The following MACROD2 variants were observed in gnomAD, a reference collection of about 807,000 sequenced individuals.
MACROD2 encodes mono-ADP ribosylhydrolase 2.
MACROD2 carries 36 observed loss-of-function variants against 70.4 expected under a neutral mutation model. That is an observed-to-expected ratio of 0.51 (90% CI 0.39 to 0.68). The LOEUF (loss-of-function observed/expected upper bound fraction) is 0.68, where lower values mean the gene tolerates loss of function less well. Among genes scored for constraint, MACROD2 ranks in the 30% least tolerant of loss-of-function variants. MACROD2 has a pLI of 0.00. For synonymous variants in MACROD2, 172 were observed against 178.8 expected (o/e 0.96, Z 0.30); for missense variants, 496 against 538.4 (o/e 0.92, Z 0.78).
intron 5 of MACROD2, among the ~76,000 whole-genome samples, chr20:14,798,987 A>T (rs898733309): frequency 7.9e-5 from 12 of 151,986 alleles, no homozygotes; most frequent in Non-Finnish European, 1.8e-4. Flanking sequence ...TAACAGTTGT[A>T]TACAGTGAAT....
At chr20:14,625,703 T>A (rs1323379390) in intron 4 of MACROD2, among the ~76,000 whole-genome samples, 2 of 152,210 alleles carry the variant, frequency 1.3e-5, no homozygotes, top group African/African-American at 2.4e-5. Flanking sequence ...CATCTCTTTG[T>A]GAGAGGAGCC....
chr20:14,174,970 T>A (rs190904014), intron 3 of MACROD2, among the ~76,000 whole-genome samples: 16 of 152,320 alleles, frequency 1.1e-4, no homozygotes, highest in Non-Finnish European at 2.2e-4. Flanking sequence ...AGTGAGAGTG[T>A]GTGTTCCAGG....
chr20:15,689,724 G>A (rs2050275174), intron 8 of MACROD2, among the ~76,000 whole-genome samples: 1 of 152,136 alleles, frequency 6.6e-6, no homozygotes, highest in African/African-American at 2.4e-5. Flanking sequence ...CAGACCCCAA[G>A]GGTCTCAGGT....
chr20:15,534,117 A>G (rs547214696), intron 8 of MACROD2, among the ~76,000 whole-genome samples: 1 of 152,298 alleles, frequency 6.6e-6, no homozygotes, highest in East Asian at 1.9e-4. Flanking sequence ...GAAAATCTAT[A>G]TGTGTGATGC....
chr20:15,599,638 G>A (rs465757), intron 8 of MACROD2, among the ~76,000 whole-genome samples: 91,176 of 152,012 alleles, frequency 0.6, 28,295 homozygotes, highest in Non-Finnish European at 0.68. Flanking sequence ...AGGGGAATTA[G>A]CATGCAACAC....
Position 15,948,637 on chromosome 20 carries a change from C to T in MACROD2, c.907+11093C>T, listed in dbSNP as rs75256531. Among the ~76,000 whole-genome samples, 943 of 152,190 alleles carry T rather than the reference C, an allele frequency of 6.2e-3. 7 individuals carry two copies. Among genetic ancestry groups the T allele is most frequent in the African/African-American group, 0.021 (864 of 41,560 alleles). Reference sequence around the variant, plus strand: ...TTGTTCACTTTCAGACTTTGATATTCTTCCCCTCTAAGAGAATAAAATAAA... The same window carrying T: ...TTGTTCACTTTCAGACTTTGATATTTTTCCCCTCTAAGAGAATAAAATAAA... On this transcript the variant is annotated intron_variant, in intron 12 of 17. Coordinates refer to ENST00000684519, the MANE Select transcript of MACROD2 (RefSeq NM_001351661.2).
At chr20:14,634,192 G>A (rs568720750) in intron 4 of MACROD2, among the ~76,000 whole-genome samples, 1 of 152,178 alleles carries the variant, frequency 6.6e-6, no homozygotes, top group Admixed American at 6.5e-5. Context: ...GTGGCCTGAA[G>A]TAGGACATTT....
chr20:14,303,457 A>G (rs1601453609), intron 3 of MACROD2, among the ~76,000 whole-genome samples: 1 of 152,188 alleles, frequency 6.6e-6, no homozygotes, highest in African/African-American at 2.4e-5. Flanking sequence ...CGAGAAGAGC[A>G]GTTATTCTCA....
chr20:15,862,194 G>A (rs754047918), intron 8 of MACROD2, among the ~76,000 whole-genome samples: 12 of 152,186 alleles, frequency 7.9e-5, no homozygotes, highest in Non-Finnish European at 1.5e-4. Context: ...CTGTCAGCTA[G>A]TTACTTTTTA....
At chr20:14,145,307 A>G (rs984025142) in intron 3 of MACROD2, among the ~76,000 whole-genome samples, 2 of 152,172 alleles carry the variant, frequency 1.3e-5, no homozygotes, top group African/African-American at 4.8e-5. Flanking sequence ...CAAAGAATTT[A>G]TAACCTCGTC....
At chr20:15,874,091 G>A (rs1053117307) in intron 9 of MACROD2, among the ~76,000 whole-genome samples, 6 of 33,878 alleles carry the variant, frequency 1.8e-4, no homozygotes, top group African/African-American at 7.5e-4. Context: ...ACAGGCCCCA[G>A]TGTGTGATGT....
intron 8 of MACROD2, among the ~76,000 whole-genome samples, chr20:15,760,263 A>G (rs545479919): frequency 1.2e-3 from 179 of 152,362 alleles, no homozygotes; most frequent in Non-Finnish European, 1.9e-3. Context: ...GCAGCTGCCA[A>G]TTCCTGGAGG....
At chr20:15,283,540 C>T (rs2077464765) in intron 6 of MACROD2, among the ~76,000 whole-genome samples, 1 of 151,964 alleles carries the variant, frequency 6.6e-6, no homozygotes, top group African/African-American at 2.4e-5. Context: ...GGCATGGTGG[C>T]AGGTGCCTGT....
At chr20:14,690,801 G>C (rs1409369188) in intron 5 of MACROD2, among the ~76,000 whole-genome samples, 2 of 152,214 alleles carry the variant, frequency 1.3e-5, no homozygotes, top group Admixed American at 1.3e-4. Context: ...TCATGTGGCA[G>C]AGTTGAGTTG....
At chr20:15,831,082 C>G (rs2064051018) in intron 8 of MACROD2, among the ~76,000 whole-genome samples, 1 of 152,104 alleles carries the variant, frequency 6.6e-6, no homozygotes, top group African/African-American at 2.4e-5. Flanking sequence ...ACATTGGATG[C>G]TACTAAGCCA....
At chr20:15,269,671 A>G (rs1415874203) in intron 6 of MACROD2, among the ~76,000 whole-genome samples, 2 of 152,292 alleles carry the variant, frequency 1.3e-5, no homozygotes, top group South Asian at 2.1e-4. Context: ...AGCAGCTGTC[A>G]TTATAATTAC....
intron 6 of MACROD2, among the ~76,000 whole-genome samples, chr20:15,391,141 A>G (rs1490854085): frequency 6.6e-6 from 1 of 152,176 alleles, no homozygotes; most frequent in Non-Finnish European, 1.5e-5. Context: ...GGAGCCAATA[A>G]ATACTGGGCT....
intron 3 of MACROD2, among the ~76,000 whole-genome samples, chr20:14,233,903 T>G (rs2081844845): frequency 6.6e-6 from 1 of 151,632 alleles, no homozygotes; most frequent in Non-Finnish European, 1.5e-5. Flanking sequence ...AGGAGTTGAG[T>G]AGGAGGAGTG....
intron 10 of MACROD2, among the ~76,000 whole-genome samples, chr20:15,896,125 C>G (rs2064968676): frequency 6.6e-6 from 1 of 152,172 alleles, no homozygotes; most frequent in Admixed American, 6.5e-5. Flanking sequence ...CTCTCTAGAT[C>G]TTCTTCCCAG....
Sources: allele counts gnomAD v4.1 joint callset (sites outside exome capture counted in the v4.1 genomes callset), GRCh38; gene constraint gnomAD v4.1.1; transcripts MANE v1.5; gene names NCBI Gene and HGNC (gene_info 2026-07-23, HGNC 2026-07-21).